Variants in THAP6 observed in about 807,000 individuals in gnomAD.
The protein encoded by THAP6 is THAP domain containing 6.
In THAP6, 13 loss-of-function variants were observed where a neutral mutation model predicts 20.0. The observed-to-expected ratio is 0.65, with a 90% CI of 0.42 to 1.03. The LOEUF is 1.03. Among genes scored for constraint, THAP6 ranks in the 50% least tolerant of loss-of-function variants. THAP6 has a pLI of 0.00. For synonymous variants in THAP6, 93 were observed against 92.2 expected (o/e 1.01, Z -0.05); for missense variants, 262 against 261.6 (o/e 1.00, Z -0.01).
chr4:75,541,217 G>T (rs1266498368), intron 2 of THAP6, among the ~76,000 whole-genome samples: 1 of 152,144 alleles, frequency 6.6e-6, no homozygotes, highest in Non-Finnish European at 1.5e-5. Context: ...AAAGCATAAA[G>T]TAGAAGGCAA....
At chr4:75,515,577 A>G (rs756920124) in intron 2 of THAP6, 45 bp downstream of exon 2, 4 of 1,589,380 alleles carry the variant, frequency 2.5e-6, no homozygotes, top group Non-Finnish European at 2.6e-6. Flanking sequence ...GCCATGTTAT[A>G]AAAAGCAAAA....
Position 75,529,980 on chromosome 4 carries a change from A to AG in THAP6, c.*2766_*2767insG, listed in dbSNP as rs1163946528. The AG allele has an allele frequency of 2.3e-5, 20 of 871,858 alleles. No individual in the cohort carries two copies. Among genetic ancestry groups the AG allele is most frequent in the Non-Finnish European group, 2.7e-5 (20 of 744,330 alleles). The allele number at this position is 871,858 out of a possible 1,614,324, so 54.0% of individuals were successfully genotyped here. On this transcript the variant is annotated 3_prime_UTR_variant, in exon 5 of 5. Coordinates refer to ENST00000311638, the MANE Select transcript of THAP6 (RefSeq NM_144721.6). Reference sequence around the variant, plus strand: ...TATTACAGAAATAATTGAGAGAGAGAAAATCTATTATAATTTATTTGAAAA... The same window carrying AG: ...TATTACAGAAATAATTGAGAGAGAGAGAAATCTATTATAATTTATTTGAAAA...
downstream of THAP6, among the ~76,000 whole-genome samples, chr4:75,532,737 T>A (rs1578278210): frequency 1.3e-5 from 2 of 152,224 alleles, no homozygotes; most frequent in South Asian, 4.1e-4. Flanking sequence ...CAACATCATA[T>A]GGAAGCTGCC....
At chr4:75,545,822 C>T (rs1727115731) in intron 3 of THAP6, among the ~76,000 whole-genome samples, 1 of 152,222 alleles carries the variant, frequency 6.6e-6, no homozygotes, top group South Asian at 2.1e-4. Context: ...CAAGGCCCAG[C>T]AGCAGGACAG....
intron 3 of THAP6, among the ~76,000 whole-genome samples, chr4:75,520,344 A>G (rs188833741): frequency 1.1e-3 from 167 of 152,314 alleles, no homozygotes; most frequent in African/African-American, 4.0e-3. Flanking sequence ...CGCTTCAATT[A>G]GAAGTGGGAA....
downstream of THAP6, among the ~76,000 whole-genome samples, chr4:75,532,281 A>C (rs1578277899): frequency 6.6e-6 from 1 of 152,236 alleles, no homozygotes; most frequent in South Asian, 2.1e-4. Context: ...AGGGCAGGCA[A>C]ATCTTAAGCT....
chr4:75,529,113 T>A lies in THAP6; in HGVS notation c.*1899T>A. The A allele has an allele frequency of 4.1e-6, 4 of 976,074 alleles. No individual in the cohort carries two copies. In the South Asian group the frequency reaches 1.9e-4, roughly 46 times the overall value. The allele number at this position is 976,074 out of a possible 1,614,324, so 60.5% of individuals were successfully genotyped here. A position where few individuals can be genotyped will look rare whatever the true frequency, so the allele number is the denominator to read the frequency against. ...TTTATTTTAGTTACTTAATTTTGAG[T>A]TCATAAATGGCCACCCTAATGGAAA... On this transcript the variant is annotated 3_prime_UTR_variant, in exon 5 of 5. Coordinates refer to ENST00000311638, the MANE Select transcript of THAP6 (RefSeq NM_144721.6).
At position 75,515,137 on chromosome 4, in the gene THAP6, G is replaced by GGGC. The variant is rs1725465858; in HGVS notation, c.-20-296_-20-295insGGC. 1.2e-5 allele frequency: 3 copies of GGGC among 253,060 alleles called. No individual in the cohort carries two copies. In the East Asian group the frequency reaches 2.2e-4, roughly 19 times the overall value. The allele number at this position is 253,060 out of a possible 1,614,324, so 15.7% of individuals were successfully genotyped here. ...GCCGAGGGCTGAAAGATGGGTAGGA[G>GGGC]TTAGTGTGCAAAAGGCTTTGTGGCA... is the stretch of plus-strand genomic sequence containing the variant. On this transcript the variant is annotated intron_variant, in intron 1 of 4. Transcript: ENST00000311638.
At chr4:75,520,719 C>A (rs942321724) in intron 3 of THAP6, among the ~76,000 whole-genome samples, 1 of 152,106 alleles carries the variant, frequency 6.6e-6, no homozygotes, top group East Asian at 1.9e-4. Flanking sequence ...GATTTGCTTT[C>A]AATAAAGATC....
At chr4:75,545,295 T>C (rs1456320174) in intron 3 of THAP6, among the ~76,000 whole-genome samples, 2 of 152,178 alleles carry the variant, frequency 1.3e-5, no homozygotes, top group Non-Finnish European at 2.9e-5. Flanking sequence ...CAGGCTCTTG[T>C]TGACGTGGGC....
intron 2 of THAP6, among the ~76,000 whole-genome samples, chr4:75,537,464 T>A (rs983097943): frequency 1.3e-5 from 2 of 151,820 alleles, no homozygotes; most frequent in African/African-American, 2.4e-5. Flanking sequence ...CCCATTTTGC[T>A]TGGCTCTCAT....
chr4:75,527,585 A>T lies in THAP6; in HGVS notation c.*371A>T, dbSNP rs897829954. 1 of 1,034,198 alleles carries T rather than the reference A, an allele frequency of 9.7e-7. No homozygotes were observed. The highest frequency in any genetic ancestry group is 1.2e-6 in the Non-Finnish European group (1 of 859,238). The allele number at this position is 1,034,198 out of a possible 1,614,324, so 64.1% of individuals were successfully genotyped here. A position where few individuals can be genotyped will look rare whatever the true frequency, so the allele number is the denominator to read the frequency against. On this transcript the variant is annotated 3_prime_UTR_variant, in exon 5 of 5. Coordinates refer to ENST00000311638, the MANE Select transcript of THAP6 (RefSeq NM_144721.6). ...TGGCTTCAAAGGAGTACCTTTACTT[A>T]CATGTGCTTTATGGTAAGTACATTG...
chr4:75,539,996 T>C, intron 2 of THAP6: 1 of 1,528,678 alleles, frequency 6.5e-7, no homozygotes, highest in South Asian at 1.2e-5. Context: ...TTCCCTCTCT[T>C]GTGGCAGCTC....
At chr4:75,521,963 A>G in intron 4 of THAP6, 102 bp downstream of exon 4, 1 of 1,372,390 alleles carries the variant, frequency 7.3e-7, no homozygotes, top group Non-Finnish European at 1.0e-6. Flanking sequence ...TCTAGGGGTT[A>G]ATATGTAATA....
At chr4:75,534,538 C>T (rs1578279503), downstream of THAP6, among the ~76,000 whole-genome samples, 5 of 152,324 alleles carry the variant, frequency 3.3e-5, no homozygotes, top group African/African-American at 1.2e-4. Flanking sequence ...AAAGCAATGG[C>T]AACAGAAGCC....
intron 2 of THAP6, among the ~76,000 whole-genome samples, chr4:75,539,344 T>A (rs1726945964): frequency 6.6e-6 from 1 of 152,154 alleles, no homozygotes; most frequent in Non-Finnish European, 1.5e-5. Context: ...TAATAACCCA[T>A]CACATATACT....
At chr4:75,540,087 T>C in intron 2 of THAP6, 1 of 1,081,830 alleles carries the variant, frequency 9.2e-7, no homozygotes, top group East Asian at 2.6e-5. Context: ...ACTCCAATAC[T>C]GACAAGCCAT....
At chr4:75,526,775 G>A (rs1726399047) in intron 4 of THAP6, among the ~76,000 whole-genome samples, 185 bp from the exon 5 acceptor site, 2 of 152,118 alleles carry the variant, frequency 1.3e-5, no homozygotes, top group Admixed American at 1.3e-4. Context: ...GTAAAAGGAG[G>A]GATGCCCTTA....
At chr4:75,518,528 A>G (rs1287235497) in intron 3 of THAP6, among the ~76,000 whole-genome samples, 4 of 152,206 alleles carry the variant, frequency 2.6e-5, no homozygotes, top group Non-Finnish European at 5.9e-5. Context: ...CCTTGAAAGA[A>G]CCATGTCAGG....
Sources: allele counts gnomAD v4.1 joint callset (sites outside exome capture counted in the v4.1 genomes callset), GRCh38; gene constraint gnomAD v4.1.1; transcripts MANE v1.5; gene names NCBI Gene and HGNC (gene_info 2026-07-23, HGNC 2026-07-21).